Variants in MCU observed in about 807,000 individuals in gnomAD.
MCU encodes the protein calcium uniporter protein, mitochondrial.
In MCU, 12 loss-of-function variants were observed where a neutral mutation model predicts 45.2. The ratio of observed to expected loss-of-function variants is 0.27; its 90% confidence interval spans 0.17 to 0.43. The LOEUF (loss-of-function observed/expected upper bound fraction) is 0.43, where lower values mean the gene tolerates loss of function less well. MCU is among the 20% of genes least tolerant of loss of function. The probability of loss-of-function intolerance (pLI) is 1.00; values close to 1 mark genes in which losing one functional copy is unlikely to be tolerated. For synonymous variants in MCU, 160 were observed against 165.1 expected, an observed-to-expected ratio of 0.97 and a Z score of 0.24; for missense variants, 324 against 436.7, an observed-to-expected ratio of 0.74 and a Z score of 2.30.
At chr10:72,759,412 T>C (rs970826865) in intron 1 of MCU, among the ~76,000 whole-genome samples, 9 of 152,286 alleles carry the variant, frequency 5.9e-5, no homozygotes, top group Middle Eastern at 3.4e-3. Flanking sequence ...GGGTCAGTCT[T>C]TAACTACCAG....
At chr10:72,692,702 T>C (rs748097965) in intron 1 of MCU, 37 of 1,223,074 alleles carry the variant, frequency 3.0e-5, no homozygotes, top group Non-Finnish European at 3.7e-5. Flanking sequence ...TCCGGGCGGG[T>C]TGGGGAGTTC....
intron 1 of MCU, among the ~76,000 whole-genome samples, chr10:72,714,848 A>G (rs545839216): frequency 6.6e-5 from 10 of 152,260 alleles, no homozygotes; most frequent in African/African-American, 2.2e-4. Flanking sequence ...GCCCTGCCCA[A>G]ATATTTAATA....
chr10:72,708,028 C>T (rs1842845865), intron 1 of MCU, among the ~76,000 whole-genome samples: 1 of 152,116 alleles, frequency 6.6e-6, no homozygotes, highest in Non-Finnish European at 1.5e-5. Context: ...CAGTACTTTA[C>T]AAGTAATTAT....
chr10:72,758,868 A>G (rs1337050864), intron 1 of MCU, among the ~76,000 whole-genome samples: 3 of 152,300 alleles, frequency 2.0e-5, no homozygotes, highest in South Asian at 2.1e-4. Context: ...CAATTTTAAG[A>G]CAGAATTAAT....
At chr10:72,863,976 A>G (rs1445690981) in intron 4 of MCU, among the ~76,000 whole-genome samples, 2 of 152,214 alleles carry the variant, frequency 1.3e-5, no homozygotes, top group African/African-American at 4.8e-5. Context: ...GTTAAAAATT[A>G]TCAAAACTTA....
At chr10:72,759,235 C>T (rs1843620279) in intron 1 of MCU, among the ~76,000 whole-genome samples, 1 of 152,062 alleles carries the variant, frequency 6.6e-6, no homozygotes, top group African/African-American at 2.4e-5. Flanking sequence ...GCTCACAACT[C>T]TAAGGGGGTG....
intron 1 of MCU, among the ~76,000 whole-genome samples, chr10:72,744,927 G>A (rs1843392727): frequency 6.6e-6 from 1 of 152,126 alleles, no homozygotes; most frequent in Non-Finnish European, 1.5e-5. Context: ...TTTAGTATAA[G>A]ATAGAGGTTT....
chr10:72,696,185 ATTTTTTT>A (rs1554818423), intron 1 of MCU, among the ~76,000 whole-genome samples: 4 of 109,996 alleles, frequency 3.6e-5, no homozygotes, highest in African/African-American at 7.1e-5. Flanking sequence ...AAAAAAAAAA[ATTTTTTT>A]TTTTTTTTTT....
intron 1 of MCU, among the ~76,000 whole-genome samples, chr10:72,806,417 C>A (rs549536763): frequency 6.6e-6 from 1 of 152,142 alleles, no homozygotes; most frequent in Non-Finnish European, 1.5e-5. Context: ...ATCTTGGCCT[C>A]CCAAAGTGCT....
chr10:72,881,870 G>C lies in MCU; in HGVS notation c.862-2396G>C, dbSNP rs528161819. On this transcript the variant is annotated intron_variant, in intron 6 of 7. Transcript: ENST00000373053. ...GTACACAAGTGTTCACAGCAGGATT[G>C]TACATAATAGCCCCAACGTGGAAAC... is the stretch of plus-strand genomic sequence containing the variant. Among the ~76,000 whole-genome samples, 5 of 152,288 alleles carry C rather than the reference G, an allele frequency of 3.3e-5. No homozygotes were observed. In the East Asian group the frequency reaches 9.7e-4, roughly 29 times the overall value.
Position 72,796,657 on chromosome 10 carries a change from G to A in MCU, c.151-37702G>A, listed in dbSNP as rs138378120. The stretch of plus-strand genomic sequence containing the variant: ...GCCTGCCGAGTAGGTAGTACTACAG[G>A]TGCGTACCACCACGCCTGGCTACTT... On this transcript the variant is annotated intron_variant, in intron 1 of 7. Coordinates refer to ENST00000373053, the MANE Select transcript of MCU (RefSeq NM_138357.3). Among the ~76,000 whole-genome samples, 4 of 151,344 alleles carry A rather than the reference G, an allele frequency of 2.6e-5. No homozygotes were observed. In the East Asian group the frequency reaches 7.7e-4, roughly 29 times the overall value.
chr10:72,768,058 G>A (rs1843752751), intron 1 of MCU, among the ~76,000 whole-genome samples: 1 of 151,028 alleles, frequency 6.6e-6, no homozygotes, highest in African/African-American at 2.4e-5. Context: ...TTTCCAAGGC[G>A]AATAAAAAAG....
chr10:72,720,901 A>G (rs982798310), intron 1 of MCU: 4 of 152,148 alleles, frequency 2.6e-5, no homozygotes, highest in African/African-American at 4.8e-5. Flanking sequence ...ACATCCAACT[A>G]ACAGTCTTAA....
At chr10:72,744,204 G>T (rs1843377574) in intron 1 of MCU, among the ~76,000 whole-genome samples, 1 of 146,078 alleles carries the variant, frequency 6.8e-6, no homozygotes, top group Admixed American at 6.8e-5. Context: ...TGATCTTTTG[G>T]CTTCATTTTT....
chr10:72,743,662 A>G (rs888516300), intron 1 of MCU, among the ~76,000 whole-genome samples: 1 of 152,148 alleles, frequency 6.6e-6, no homozygotes, highest in African/African-American at 2.4e-5. Flanking sequence ...TGTATTATGA[A>G]CTTAGAGGCA....
Position 72,798,642 on chromosome 10 carries a change from G to GT in MCU, c.151-35708dup, listed in dbSNP as rs1272616151. ...GTATTTAGTTGTTGTTGTTTTTCTT[G>GT]TTTTTTTTTAGAAATCTTTTCTTAC... is the stretch of plus-strand genomic sequence containing the variant. On this transcript the variant is annotated intron_variant, in intron 1 of 7. Transcript: ENST00000373053. Among the ~76,000 whole-genome samples, 88 of 150,358 alleles carry GT rather than the reference G, an allele frequency of 5.9e-4. 1 individual carries two copies. Among genetic ancestry groups the GT allele is most frequent in the South Asian group, 3.0e-3 (14 of 4,720 alleles).
At chr10:72,700,179 C>T (rs768432214) in intron 1 of MCU, among the ~76,000 whole-genome samples, 10 of 151,686 alleles carry the variant, frequency 6.6e-5, no homozygotes, top group Non-Finnish European at 1.0e-4. Flanking sequence ...CCTGTCTCAG[C>T]CTCCTGAGTA....
At position 72,818,891 on chromosome 10, in the gene MCU, T is replaced by C. The variant is rs190692650; in HGVS notation, c.151-15468T>C. On this transcript the variant is annotated intron_variant, in intron 1 of 7. Coordinates refer to ENST00000373053, the MANE Select transcript of MCU (RefSeq NM_138357.3). The stretch of plus-strand genomic sequence containing the variant: ...TGACTCAACATTGTCTTATCAATGC[T>C]GTTAAATGATATTAAACATATTGGC... 2.0e-5 allele frequency among the ~76,000 whole-genome samples: 3 copies of C among 152,208 alleles called. No homozygotes were observed. In the East Asian group the frequency reaches 5.8e-4, roughly 29 times the overall value.
chr10:72,715,484 G>A (rs763177732), intron 1 of MCU, among the ~76,000 whole-genome samples: 4 of 152,044 alleles, frequency 2.6e-5, no homozygotes, highest in Non-Finnish European at 5.9e-5. Context: ...GACCATATTG[G>A]TAAACAACCC....
Sources: allele counts gnomAD v4.1 joint callset (sites outside exome capture counted in the v4.1 genomes callset), GRCh38; gene constraint gnomAD v4.1.1; transcripts MANE v1.5; gene names NCBI Gene and HGNC (gene_info 2026-07-23, HGNC 2026-07-21).